The following SMARCB1 variants were observed in gnomAD, a reference collection of about 807,000 sequenced individuals.
The protein encoded by SMARCB1 is SWI/SNF-related matrix-associated actin-dependent regulator of chromatin subfamily B member 1.
Under a neutral mutation model 49.0 loss-of-function variants are expected in SMARCB1, and 5 were observed. The observed-to-expected ratio is 0.10, with a 90% CI of 0.05 to 0.21. SMARCB1 has a LOEUF of 0.21. Among genes scored for constraint, SMARCB1 ranks in the 10% least tolerant of loss-of-function variants. The pLI, the probability that SMARCB1 is intolerant of heterozygous loss-of-function variation, is 1.00. For synonymous variants in SMARCB1, 201 were observed against 200.1 expected, an observed-to-expected ratio of 1.00 and a Z score of -0.04; for missense variants, 226 against 509.2, an observed-to-expected ratio of 0.44 and a Z score of 5.35.
At chr22:23,795,111 CAT>C (rs1035004076) in intron 3 of SMARCB1, among the ~76,000 whole-genome samples, 61 of 152,006 alleles carry the variant, frequency 4.0e-4, no homozygotes, top group Admixed American at 1.8e-3. Flanking sequence ...AATTTGCCCT[CAT>C]GTGTAATTTC....
At chr22:23,808,666 G>A (rs5751741) in intron 5 of SMARCB1, among the ~76,000 whole-genome samples, 140,438 of 151,928 alleles carry the variant, frequency 0.92, 65,075 homozygotes, top group Middle Eastern at 0.97. Flanking sequence ...CCCAGTGACA[G>A]TATTGTTCAG....
At chr22:23,795,893 C>T (rs1298195532) in intron 3 of SMARCB1, among the ~76,000 whole-genome samples, 4 of 149,520 alleles carry the variant, frequency 2.7e-5, no homozygotes, top group East Asian at 2.1e-4. Context: ...TGGGTTCAAG[C>T]GATTCTCTTG....
chr22:23,787,950 G>T (rs1362965037), intron 1 of SMARCB1, among the ~76,000 whole-genome samples: 1 of 152,176 alleles, frequency 6.6e-6, no homozygotes, highest in Non-Finnish European at 1.5e-5. Flanking sequence ...AACTAGAGTG[G>T]CTGCATTTTG....
At chr22:23,787,394 G>C in intron 1 of SMARCB1, 132 bp downstream of exon 1, 1 of 472,910 alleles carries the variant, frequency 2.1e-6, no homozygotes, top group Middle Eastern at 5.4e-4. Flanking sequence ...CGGGGCTGTG[G>C]GGCGTGGCCT....
In SMARCB1 at chr22:23,837,543, G is replaced by T; in HGVS notation, c.*3363G>T. On this transcript the variant is annotated 3_prime_UTR_variant, in exon 9 of 9. Transcript: ENST00000644036. ...GCTGGGAGGGCAGGAAGATGGGGAT[G>T]GAGCCAGGTGTGAGGAGAACTCCAG... 2.7e-6 allele frequency: 3 copies of T among 1,098,198 alleles called. No individual in the cohort carries two copies. Among genetic ancestry groups the T allele is most frequent in the Non-Finnish European group, 3.9e-6 (3 of 771,652 alleles). 68.0% of individuals were successfully genotyped at this position (1,098,198 alleles called of 1,614,324 possible).
At chr22:23,793,355 A>T (rs1372055025) in intron 2 of SMARCB1, 2 of 678,554 alleles carry the variant, frequency 2.9e-6, no homozygotes, top group Non-Finnish European at 5.4e-6. Flanking sequence ...GTCCCATTGG[A>T]GGCTCTACCC....
intron 6 of SMARCB1, chr22:23,824,259 T>C (rs995852038): frequency 6.6e-6 from 1 of 152,136 alleles, no homozygotes; most frequent in African/African-American, 2.4e-5. Context: ...TCCGAGGCAG[T>C]GGTGAGTTTT....
chr22:23,813,173 C>T (rs1364599435), intron 5 of SMARCB1, among the ~76,000 whole-genome samples: 1 of 152,164 alleles, frequency 6.6e-6, no homozygotes, highest in African/African-American at 2.4e-5. Context: ...CCTTCTGTTG[C>T]TAGCATTTAA....
intron 1 of SMARCB1, among the ~76,000 whole-genome samples, chr22:23,788,386 T>A (rs1928148445): frequency 6.6e-6 from 1 of 152,176 alleles, no homozygotes; most frequent in Non-Finnish European, 1.5e-5. Flanking sequence ...CTTATAGCAG[T>A]TTTTAGTATC....
chr22:23,825,113 A>T (rs1350259060), intron 6 of SMARCB1, 112 bp from the exon 7 acceptor site: 2 of 836,746 alleles, frequency 2.4e-6, no homozygotes, highest in Non-Finnish European at 4.1e-6. Flanking sequence ...TGCAGTTCTC[A>T]GCTGGTGGAC....
At position 23,835,904 on chromosome 22, in the gene SMARCB1, C is replaced by T. The variant is rs1481920676; in HGVS notation, c.*1724C>T. 4 of 985,394 alleles carry T rather than the reference C, an allele frequency of 4.1e-6. No homozygotes were observed. In the African/African-American group the frequency reaches 5.2e-5, roughly 13 times the overall value. The allele number at this position is 985,394 out of a possible 1,614,324, so 61.0% of individuals were successfully genotyped here. ...AGCTCACACCGCCGCAAAGCCATCT[C>T]CACAAGGTCTGGCTACAACACGGAG... On this transcript the variant is annotated 3_prime_UTR_variant, in exon 9 of 9. Transcript: ENST00000644036.
At chr22:23,831,869 T>C (rs2030674297) in intron 7 of SMARCB1, among the ~76,000 whole-genome samples, 1 of 152,190 alleles carries the variant, frequency 6.6e-6, no homozygotes, top group Non-Finnish European at 1.5e-5. Flanking sequence ...AGGGACCAGC[T>C]GTCAGGAGCT....
At chr22:23,826,660 T>TAGGA (rs1416653095) in intron 7 of SMARCB1, among the ~76,000 whole-genome samples, 3 of 152,178 alleles carry the variant, frequency 2.0e-5, no homozygotes, top group African/African-American at 2.4e-5. Context: ...GAGGAGCAAA[T>TAGGA]AGGAAGGTCT....
intron 7 of SMARCB1, among the ~76,000 whole-genome samples, chr22:23,828,944 G>T (rs1375513757): frequency 5.3e-5 from 8 of 152,236 alleles, no homozygotes; most frequent in Admixed American, 3.9e-4. Context: ...GGAAACAGGG[G>T]CATGTGACAA....
chr22:23,787,947 G>T (rs62241578), intron 1 of SMARCB1, among the ~76,000 whole-genome samples: 1 of 152,230 alleles, frequency 6.6e-6, no homozygotes, highest in African/African-American at 2.4e-5. Flanking sequence ...CTTAACTAGA[G>T]TGGCTGCATT....
chr22:23,787,381 G>T (rs145275471), intron 1 of SMARCB1, 119 bp downstream of exon 1: 18,604 of 464,530 alleles, frequency 0.04, 495 homozygotes, highest in Middle Eastern at 0.1. Flanking sequence ...GCGCGCGCGC[G>T]CTCGGGGCTG....
At chr22:23,825,567 T>A (rs1197788434) in intron 7 of SMARCB1, 152 bp downstream of exon 7, 1 of 650,054 alleles carries the variant, frequency 1.5e-6, no homozygotes, top group African/African-American at 1.8e-5. Flanking sequence ...GTCCTCCTCC[T>A]GCCCTATGTA....
intron 5 of SMARCB1, chr22:23,804,428 GTT>G (rs1193167593): frequency 1.3e-5 from 2 of 152,096 alleles, no homozygotes; most frequent in African/African-American, 2.4e-5. Flanking sequence ...CCTGAATAAT[GTT>G]TTCAGTTTTA....
intron 6 of SMARCB1, 52 bp downstream of exon 6, chr22:23,816,988 G>A (rs1930234300): frequency 1.3e-6 from 2 of 1,488,194 alleles, no homozygotes; most frequent in Non-Finnish European, 1.9e-6. Context: ...CAGGGTGGGT[G>A]TCATCATGGA....
Sources: allele counts gnomAD v4.1 joint callset (sites outside exome capture counted in the v4.1 genomes callset), GRCh38; gene constraint gnomAD v4.1.1; transcripts MANE v1.5; gene names NCBI Gene and HGNC (gene_info 2026-07-23, HGNC 2026-07-21).